MTERF4: variants seen among roughly 807,000 people sequenced by gnomAD.
The protein encoded by MTERF4 is transcription termination factor 4, mitochondrial.
In MTERF4, 17 loss-of-function variants were observed where a neutral mutation model predicts 22.5. That is an observed-to-expected ratio of 0.75 (90% CI 0.52 to 1.13). The LOEUF is 1.13. Ranked by LOEUF, MTERF4 falls within the 50% of genes most tolerant of loss-of-function variation. The probability of loss-of-function intolerance (pLI) is 0.00; values close to 1 mark genes in which losing one functional copy is unlikely to be tolerated. For synonymous variants in MTERF4, 165 were observed against 175.3 expected, an observed-to-expected ratio of 0.94 and a Z score of 0.47; for missense variants, 420 against 466.8, an observed-to-expected ratio of 0.90 and a Z score of 0.92.
intron 4 of MTERF4, chr2:241,081,845 A>C: frequency 7.5e-7 from 1 of 1,332,038 alleles, no homozygotes; most frequent in Non-Finnish European, 1.1e-6. Flanking sequence ...CCTGTGCCTC[A>C]GCCTAGGACT....
chr2:241,050,088 A>G, the MTERF4 span: 2 of 701,000 alleles, frequency 2.9e-6, no homozygotes, highest in Non-Finnish European at 5.3e-6. Context: ...GTGTATTTAG[A>G]GGTGAGCACC....
downstream of MTERF4, chr2:241,091,770 T>A (rs1006454747): frequency 6.6e-6 from 1 of 152,332 alleles, no homozygotes; most frequent in Admixed American, 6.5e-5. This position sits in a 1 kb window ranked among gnomAD's most constrained non-coding sequence, Gnocchi z 4.1. Flanking sequence ...CTCTGTGACC[T>A]CTCTCCTCAG....
At chr2:241,052,128 C>T in the MTERF4 span, 1 of 1,613,920 alleles carries the variant, frequency 6.2e-7, no homozygotes, top group Non-Finnish European at 8.5e-7. Flanking sequence ...GACTGTCCCC[C>T]AGGCTTCTCC....
the MTERF4 span, chr2:241,048,255 G>A: frequency 2.4e-5 from 36 of 1,510,704 alleles, no homozygotes; most frequent in Non-Finnish European, 3.5e-6. Flanking sequence ...GAGCTGGGCG[G>A]GGAGACCACT....
chr2:241,052,745 AGGGCCGGG>A, the MTERF4 span, among the ~76,000 whole-genome samples: 1 of 33,496 alleles, frequency 3.0e-5, no homozygotes, highest in Admixed American at 3.8e-4. Context: ...GGCAGGTGAG[AGGGCCGGG>A]GGGCCAAGCA....
the MTERF4 span, chr2:241,051,378 G>A: frequency 4.7e-6 from 1 of 214,558 alleles, no homozygotes; most frequent in Admixed American, 5.8e-5. This position sits in a 1 kb window ranked among gnomAD's most constrained non-coding sequence, Gnocchi z 4.7. Context: ...CGGCAGATGA[G>A]ACTCAGCTGC....
chr2:241,049,070 G>A, the MTERF4 span: 2 of 1,613,560 alleles, frequency 1.2e-6, no homozygotes, highest in African/African-American at 2.7e-5. Flanking sequence ...CCAGATGGGG[G>A]CTACTGCATG....
In MTERF4 at chr2:241,073,613, A is replaced by G. The variant is rs2062858204; in HGVS notation, n.2549T>C. ...ACCCAAACCACCCAGAGTCTGAGCTAGAGAGACTGGCTTTGATGCTGCCTC... is the reference window on the plus strand; with the variant it reads ...ACCCAAACCACCCAGAGTCTGAGCTGGAGAGACTGGCTTTGATGCTGCCTC... On this transcript the variant is annotated non_coding_transcript_exon_variant, in exon 5 of 5. Coordinates refer to the MTERF4 transcript ENST00000464344. This position sits in a 1 kb window ranked among gnomAD's most constrained non-coding sequence, Gnocchi z 6.6. The G allele has an allele frequency of 1.1e-5, 6 of 545,542 alleles. No homozygotes were observed. The highest frequency in any genetic ancestry group is 8.8e-5 in the East Asian group (3 of 34,178). The allele number at this position is 545,542 out of a possible 1,614,324, so 33.8% of individuals were successfully genotyped here. A position where few individuals can be genotyped will look rare whatever the true frequency, so the allele number is the denominator to read the frequency against.
At chr2:241,063,974 C>G in the MTERF4 span, 1 of 1,438,644 alleles carries the variant, frequency 7.0e-7, no homozygotes, top group East Asian at 2.5e-5. Context: ...CCAGACTCCC[C>G]CCTTGCAGCT....
chr2:241,053,346 G>T, the MTERF4 span: 94 of 1,546,112 alleles, frequency 6.1e-5, no homozygotes, highest in Admixed American at 1.3e-3. Context: ...TGGGCCCTTG[G>T]GGTGGGGCAG....
At position 241,073,710 on chromosome 2, in the gene MTERF4, C is replaced by A; in HGVS notation, n.2452G>T. ...AGCCCCTGCCTCTGGGCCCCTCACC[C>A]CTCACTTCTCCAAAGAGGAGCAGGC... On this transcript the variant is annotated non_coding_transcript_exon_variant, in exon 5 of 5. Coordinates refer to the MTERF4 transcript ENST00000464344. This position sits in a 1 kb window ranked among gnomAD's most constrained non-coding sequence, Gnocchi z 6.6. 1 of 444,750 alleles carries A rather than the reference C, an allele frequency of 2.2e-6. No individual in the cohort carries two copies. Among genetic ancestry groups the A allele is most frequent in the Non-Finnish European group, 4.0e-6 (1 of 250,816 alleles). The allele number at this position is 444,750 out of a possible 1,614,324, so 27.6% of individuals were successfully genotyped here.
At chr2:241,090,592 C>A, downstream of MTERF4, 1 of 974,812 alleles carries the variant, frequency 1.0e-6, no homozygotes, top group Non-Finnish European at 1.4e-6. Flanking sequence ...ACCAGCATCA[C>A]CACAAACACA....
In MTERF4 at chr2:241,073,314, G is replaced by T. The variant is rs6721345; in HGVS notation, n.2848C>A. The T allele has an allele frequency of 3.8e-6, 6 of 1,573,874 alleles. No individual in the cohort carries two copies. In the South Asian group the frequency reaches 4.7e-5, roughly 12 times the overall value. ...GAGAACATGGAGGAAGCCCCCAAGC[G>T]GGTCAGCCTGGCCCTCCAGCTCCCT... is the stretch of plus-strand genomic sequence containing the variant. On this transcript the variant is annotated non_coding_transcript_exon_variant, in exon 5 of 5. Transcript: ENST00000464344. This position sits in a 1 kb window ranked among gnomAD's most constrained non-coding sequence, Gnocchi z 6.6.
downstream of MTERF4, among the ~76,000 whole-genome samples, chr2:241,090,683 A>G (rs1178444216): frequency 6.6e-6 from 1 of 152,168 alleles, no homozygotes; most frequent in African/African-American, 2.4e-5. Flanking sequence ...CCTGGCCAAC[A>G]TGATGAAACC....
At chr2:241,048,069 G>A in the MTERF4 span, among the ~76,000 whole-genome samples, 4 of 152,170 alleles carry the variant, frequency 2.6e-5, no homozygotes, top group Non-Finnish European at 5.9e-5. Context: ...GGTGCTTCTT[G>A]TTCTGTCCAA....
the MTERF4 span, chr2:241,062,983 AG>A: frequency 1.1e-6 from 1 of 932,436 alleles, no homozygotes; most frequent in South Asian, 1.7e-5. Flanking sequence ...TCCCCCGGAC[AG>A]GTCTCTGTCT....
chr2:241,089,991 G>A (rs779929999), downstream of MTERF4: 17 of 1,548,770 alleles, frequency 1.1e-5, no homozygotes, highest in Admixed American at 1.2e-4. Flanking sequence ...TGGGCAGGGC[G>A]CTTAGCGTAG....
downstream of MTERF4, chr2:241,071,970 A>G (rs1422637860): frequency 1.9e-6 from 2 of 1,071,954 alleles, no homozygotes; most frequent in Non-Finnish European, 2.8e-6. Context: ...TGATGAGCCC[A>G]CCCCCACCGC....
At chr2:241,064,013 G>T in the MTERF4 span, 1 of 1,551,864 alleles carries the variant, frequency 6.4e-7, no homozygotes, top group South Asian at 1.2e-5. This position sits in a 1 kb window ranked among gnomAD's most constrained non-coding sequence, Gnocchi z 7.0. Flanking sequence ...GTTCTCCAGA[G>T]GTGGACGCCT....
Sources: allele counts gnomAD v4.1 joint callset (sites outside exome capture counted in the v4.1 genomes callset), GRCh38; gene constraint gnomAD v4.1.1; non-coding constraint Gnocchi (gnomAD v3.1); transcripts MANE v1.5; gene names NCBI Gene and HGNC (gene_info 2026-07-23, HGNC 2026-07-21).